Variants in XYLT2 observed in about 807,000 individuals in gnomAD.
XYLT2 encodes the protein UDP-D-xylose:proteoglycan core protein beta-D-xylosyltransferase.
Under a neutral mutation model 82.6 loss-of-function variants are expected in XYLT2, and 37 were observed. The observed-to-expected ratio is 0.45, with a 90% confidence interval of 0.34 to 0.59. XYLT2 has a LOEUF of 0.59. XYLT2 is among the 20% of genes least tolerant of loss of function. XYLT2 has a pLI of 0.01. For missense variants in XYLT2, 934 were observed against 1,181.3 expected (o/e 0.79, Z 3.07); for synonymous variants, 474 against 499.0 (o/e 0.95, Z 0.67).
chr17:50,358,647 T>A, intron 10 of XYLT2, 107 bp downstream of exon 10: 1 of 1,219,628 alleles, frequency 8.2e-7, no homozygotes. Context: ...ATCCCTAGAG[T>A]CAGGGAAGCA....
intron 1 of XYLT2, among the ~76,000 whole-genome samples, chr17:50,348,897 G>A (rs1475539795): frequency 1.3e-5 from 2 of 152,148 alleles, no homozygotes; most frequent in Admixed American, 1.3e-4. Flanking sequence ...GCTGCTGGGG[G>A]CAGCCTGTGA....
At chr17:50,358,623 CA>C in intron 10 of XYLT2, 83 bp downstream of exon 10, 1 of 1,373,826 alleles carries the variant, frequency 7.3e-7, no homozygotes, top group Non-Finnish European at 9.8e-7. Flanking sequence ...AGCCAACCAT[CA>C]GAGCTGACTC....
intron 1 of XYLT2, among the ~76,000 whole-genome samples, chr17:50,347,960 A>T (rs1912107744): frequency 6.6e-6 from 1 of 152,238 alleles, no homozygotes; most frequent in Non-Finnish European, 1.5e-5. Context: ...GGGGATAATA[A>T]TGGCACCTCC....
chr17:50,357,364 A>ATCACCATGGCT, intron 9 of XYLT2, 112 bp downstream of exon 9: 2 of 1,141,752 alleles, frequency 1.8e-6, no homozygotes, highest in Non-Finnish European at 2.4e-6. Context: ...CAGTCATGGC[A>ATCACCATGGCT]GCCATGGTGA....
At position 50,358,550 on chromosome 17, in the gene XYLT2, C is replaced by A; in HGVS notation, c.2275+10C>A. 6.2e-7 allele frequency: 1 copy of A among 1,605,014 alleles called. No individual in the cohort carries two copies. The highest frequency in any genetic ancestry group is 8.5e-7 in the Non-Finnish European group (1 of 1,174,216). On this transcript the variant is annotated intron_variant, in intron 10 of 10. Coordinates refer to ENST00000017003, the MANE Select transcript of XYLT2 (RefSeq NM_022167.4). ...CTACCTCTCAGGAAAGGTAAGCGTG[C>A]AGTTCTCAAATGAGGCCCAGAAGCC... is the stretch of plus-strand genomic sequence containing the variant.
At position 50,360,071 on chromosome 17, in the gene XYLT2, C is replaced by A. The variant is rs373544890; in HGVS notation, c.2378C>A (p.Ala793Glu). 10 of 1,613,958 alleles carry A rather than the reference C, an allele frequency of 6.2e-6. No individual in the cohort carries two copies. Among genetic ancestry groups the A allele is most frequent in the South Asian group, 1.1e-5 (1 of 91,086 alleles). ...SILNLPQPEL[A>E]EEAAQRHTQL... is the part of the protein sequence containing the mutation. ...CTGAACCTGCCTCAGCCGGAGCTCG[C>A]GGAGGAGGCTGCCCAGCGGCACACA... Residue 793 changes from alanine (A) to glutamate (E), a missense_variant, in exon 11 of 11, where the codon GCG (alanine) becomes GAG (glutamate). Transcript: ENST00000017003.
In XYLT2 at chr17:50,346,949, G is replaced by A. The variant is rs1485837537; in HGVS notation, c.135+674G>A. On this transcript the variant is annotated intron_variant, in intron 1 of 10. Coordinates refer to ENST00000017003, the MANE Select transcript of XYLT2 (RefSeq NM_022167.4). This position sits in a 1 kb window ranked among gnomAD's most constrained non-coding sequence, Gnocchi z 5.1. ...GAACTGAGCTGGTGAGTTGGCCTCA[G>A]GACCTTAGGGAATTAGGGAGGGGCC... The A allele has an allele frequency of 1.2e-5, 12 of 984,822 alleles. No individual in the cohort carries two copies. Among genetic ancestry groups the A allele is most frequent in the African/African-American group, 5.2e-5 (3 of 57,208 alleles). 61.0% of individuals were successfully genotyped at this position (984,822 alleles called of 1,614,324 possible).
In XYLT2 at chr17:50,355,070, G is replaced by A. The variant is rs749723948; in HGVS notation, c.1007+14G>A. 6.6e-7 allele frequency: 1 copy of A among 1,523,464 alleles called. No individual in the cohort carries two copies. The highest frequency in any genetic ancestry group is 1.4e-5 in the African/African-American group (1 of 71,904). The allele number at this position is 1,523,464 out of a possible 1,614,324, so 94.4% of individuals were successfully genotyped here. ...CTATCCAACCAGGTGTGGGGATGGGGCTCTGAGTCCTCTGCATGGGAGGGG... is the reference window on the plus strand; with the variant it reads ...CTATCCAACCAGGTGTGGGGATGGGACTCTGAGTCCTCTGCATGGGAGGGG... On this transcript the variant is annotated intron_variant, in intron 4 of 10. Transcript: ENST00000017003.
chr17:50,354,135 G>C lies in XYLT2; in HGVS notation c.628+13G>C, dbSNP rs750508121. ...TGTCAGCTGACTGGTGAGGGACAGGGGTGCTCCAGCCCTTCCCAGGCGGGG... is the reference window on the plus strand; with the variant it reads ...TGTCAGCTGACTGGTGAGGGACAGGCGTGCTCCAGCCCTTCCCAGGCGGGG... On this transcript the variant is annotated intron_variant, in intron 2 of 10. Coordinates refer to ENST00000017003, the MANE Select transcript of XYLT2 (RefSeq NM_022167.4). 3.7e-6 allele frequency: 6 copies of C among 1,601,120 alleles called. No individual in the cohort carries two copies. Among genetic ancestry groups the C allele is most frequent in the Non-Finnish European group, 1.7e-6 (2 of 1,179,892 alleles).
rs1912060989 is a variant in XYLT2 at position 50,346,741 on chromosome 17, G to A, written c.135+466G>A. On this transcript the variant is annotated intron_variant, in intron 1 of 10. Coordinates refer to ENST00000017003, the MANE Select transcript of XYLT2 (RefSeq NM_022167.4). This position sits in a 1 kb window ranked among gnomAD's most constrained non-coding sequence, Gnocchi z 5.1. ...GTCCTTCCCCAGCTGAGCCCGAGGGGCAGCGGCCGGTGAGGAAGGGGAGCT... is the reference window on the plus strand; with the variant it reads ...GTCCTTCCCCAGCTGAGCCCGAGGGACAGCGGCCGGTGAGGAAGGGGAGCT... 2 of 985,450 alleles carry A rather than the reference G, an allele frequency of 2.0e-6. No individual in the cohort carries two copies. The highest frequency in any genetic ancestry group is 2.4e-6 in the Non-Finnish European group (2 of 829,924). The allele number at this position is 985,450 out of a possible 1,614,324, so 61.0% of individuals were successfully genotyped here. A position where few individuals can be genotyped will look rare whatever the true frequency, so the allele number is the denominator to read the frequency against.
rs1204719882 is a variant in XYLT2 at position 50,354,654 on chromosome 17, A to T, written c.804+71A>T. 1.9e-6 allele frequency: 3 copies of T among 1,546,390 alleles called. No homozygotes were observed. The African/African-American group carries it at 4.2e-5, about 22-fold the overall frequency. On this transcript the variant is annotated intron_variant, in intron 3 of 10. Transcript: ENST00000017003. The stretch of plus-strand genomic sequence containing the variant: ...GAAACAGAAGGTTGCAGACAGACAG[A>T]GTCTCTGACCTGGCCCAGGTAGCCT...
intron 1 of XYLT2, among the ~76,000 whole-genome samples, chr17:50,347,985 A>G (rs1316879038): frequency 6.6e-6 from 1 of 152,232 alleles, no homozygotes; most frequent in African/African-American, 2.4e-5. Flanking sequence ...TTAGGTGATT[A>G]TAAAGATTAA....
Position 50,358,045 on chromosome 17 carries a change from T to C in XYLT2, c.1942-162T>C, listed in dbSNP as rs551300463. ...GAACGAATCTCAGAGCTGGGAGAGATATTAAAGGTCTCCTAGTCTGACCCC... is the reference window on the plus strand; with the variant it reads ...GAACGAATCTCAGAGCTGGGAGAGACATTAAAGGTCTCCTAGTCTGACCCC... On this transcript the variant is annotated intron_variant, in intron 9 of 10. Transcript: ENST00000017003. 1.5e-4 allele frequency: 97 copies of C among 640,478 alleles called. No individual in the cohort carries two copies. The African/African-American group carries it at 1.6e-3, about 11-fold the overall frequency. The allele number at this position is 640,478 out of a possible 1,614,324, so 39.7% of individuals were successfully genotyped here.
chr17:50,356,463 C>T lies in XYLT2; in HGVS notation c.1483-48C>T. Reference sequence around the variant, plus strand: ...GCTGAGGGGCCAGCCCCACCATGCCCTCTGGGGCTTCCAGAGCCCTTCACC... The same window carrying T: ...GCTGAGGGGCCAGCCCCACCATGCCTTCTGGGGCTTCCAGAGCCCTTCACC... On this transcript the variant is annotated intron_variant, in intron 7 of 10. Transcript: ENST00000017003. 1.9e-6 allele frequency: 3 copies of T among 1,599,672 alleles called. No individual in the cohort carries two copies. The South Asian group carries it at 3.4e-5, about 18-fold the overall frequency.
chr17:50,358,501 C>A lies in XYLT2; in HGVS notation c.2236C>A (p.Leu746Met). The change falls in exon 10 of 11, where the codon CTG becomes ATG. Residue 746 changes from leucine (L) to methionine (M), a missense_variant. By Grantham distance (15) the Leu-to-Met change is conservative. Around this residue, in one of 3 missense-constraint regions of XYLT2, gnomAD observed 374 missense variants for 465.6 expected, o/e 0.80. Coordinates refer to ENST00000017003, the MANE Select transcript of XYLT2 (RefSeq NM_022167.4). The stretch of plus-strand genomic sequence containing the variant: ...GCTGGGTGAGACCCGCTTCCTTGTG[C>A]TGCCCTTGACCTTCAACCGCAAACT... ...EPLGETRFLV[L>M]PLTFNRKLPL... 1 of 1,613,694 alleles carries A rather than the reference C, an allele frequency of 6.2e-7. No individual in the cohort carries two copies. The highest frequency in any genetic ancestry group is 1.7e-5 in the Admixed American group (1 of 60,014).
At chr17:50,358,162 G>A (rs746757577) in intron 9 of XYLT2, 45 bp from the exon 10 acceptor site, 4 of 1,499,360 alleles carry the variant, frequency 2.7e-6, no homozygotes, top group Non-Finnish European at 3.6e-6. Context: ...GGAGGGAGAA[G>A]GACCTTTCCC....
rs1291508945 is a variant in XYLT2 at position 50,346,573 on chromosome 17, A to C, written c.135+298A>C. The C allele has an allele frequency of 1.0e-6, 1 of 976,056 alleles. No individual in the cohort carries two copies. The highest frequency in any genetic ancestry group is 1.2e-6 in the Non-Finnish European group (1 of 821,686). 60.5% of individuals were successfully genotyped at this position (976,056 alleles called of 1,614,324 possible). On this transcript the variant is annotated intron_variant, in intron 1 of 10. Coordinates refer to ENST00000017003, the MANE Select transcript of XYLT2 (RefSeq NM_022167.4). The surrounding 1 kb of genome is among the most constrained non-coding windows in gnomAD (Gnocchi z 5.1). Reference sequence around the variant, plus strand: ...TCCGGCCAAGGGAGCGATGAAGGTCAGGCGCGGCGAGCGGGGCTGGGAGGC... The same window carrying C: ...TCCGGCCAAGGGAGCGATGAAGGTCCGGCGCGGCGAGCGGGGCTGGGAGGC...
At chr17:50,356,975 C>T in intron 8 of XYLT2, 82 bp from the exon 9 acceptor site, 2 of 1,489,898 alleles carry the variant, frequency 1.3e-6, no homozygotes, top group Non-Finnish European at 1.8e-6. Context: ...GGGGATGGGA[C>T]TCCCCAGAGC....
chr17:50,358,309 C>G lies in XYLT2; in HGVS notation c.2044C>G (p.Pro682Ala). 1 of 1,613,926 alleles carries G rather than the reference C, an allele frequency of 6.2e-7. No homozygotes were observed. Among genetic ancestry groups the G allele is most frequent in the Non-Finnish European group, 8.5e-7 (1 of 1,180,044 alleles). The change falls in exon 10 of 11, where the codon CCC (proline) becomes GCC (alanine). Residue 682 changes from proline (P) to alanine (A), a missense_variant. Pro to Ala is a conservative substitution (Grantham distance 27). This residue lies in a region of XYLT2 where 374 missense variants were observed against 465.6 expected (regional missense o/e 0.80). Transcript: ENST00000017003. ...GGCCGTGCAGCGCTGGGCCCGGGGC[C>G]CCAACCTCACAGCCACAGTGGTCTG... ...PVAVQRWARGPNLTATVVWID... is the reference protein window; with the variant it reads ...PVAVQRWARGANLTATVVWID...
Sources: gnomAD v4.1 joint callset for allele counts (sites outside exome capture counted in the v4.1 genomes callset) on GRCh38, gnomAD v4.1.1 for gene constraint, gnomAD v4.1.1 regional missense constraint, Gnocchi (gnomAD v3.1) non-coding constraint, MANE v1.5 for transcripts, NCBI Gene and HGNC (gene_info 2026-07-23, HGNC 2026-07-21) for gene names.